TNK2: variants seen among roughly 807,000 people sequenced by gnomAD.
TNK2 encodes the protein activated CDC42 kinase 1.
TNK2 carries 83 observed loss-of-function variants against 101.8 expected under a neutral mutation model. That is an observed-to-expected ratio of 0.82 (90% CI 0.68 to 0.98). The LOEUF (loss-of-function observed/expected upper bound fraction) is 0.98. Ranked by LOEUF, TNK2 falls within the 50% of genes least tolerant of loss-of-function variation. The pLI, the probability that TNK2 is intolerant of heterozygous loss-of-function variation, is 0.00. For synonymous variants in TNK2, 804 were observed against 633.0 expected (o/e 1.27, Z -4.06); for missense variants, 1,665 against 1,483.2 (o/e 1.12, Z -2.01).
rs1054936435 is a variant in TNK2, at chr3:195,895,648, G to A, written c.-18-7042C>T. 22 of 1,266,008 alleles carry A rather than the reference G, an allele frequency of 1.7e-5. No homozygotes were observed. In the South Asian group the frequency reaches 4.9e-4, roughly 28 times the overall value. 78.4% of individuals were successfully genotyped at this position (1,266,008 alleles called of 1,614,324 possible). ...CGAGAGCCGGGGCTCTGCCTTCGCC[G>A]GCCGCGGAACCGGGCTCCACTCAGC... On this transcript the variant is annotated intron_variant, in intron 1 of 15. Transcript: ENST00000672887.
At chr3:195,891,151 G>C (rs569919594) in intron 1 of TNK2, among the ~76,000 whole-genome samples, 2 of 152,214 alleles carry the variant, frequency 1.3e-5, no homozygotes, top group African/African-American at 2.4e-5. Context: ...AAGCACAGTG[G>C]CTCACAGCTG....
In TNK2 at chr3:195,868,677, C is replaced by A; in HGVS notation, c.1621G>T (p.Asp541Tyr). Residue 541 changes from aspartate (D) to tyrosine (Y), a missense_variant, in exon 13 of 16, where the codon GAC becomes TAC. Physicochemically the swap from Asp to Tyr is radical, Grantham distance 160. Transcript: ENST00000672887. ...PTYDPVSEDQDPLSSDFKRLG... is the reference protein window; with the variant it reads ...PTYDPVSEDQYPLSSDFKRLG... ...CTCTTGAAGTCGCTGGACAAGGGGTCTTGGTCCTCGCTCACAGGGTCATAG... is the reference window on the plus strand; with the variant it reads ...CTCTTGAAGTCGCTGGACAAGGGGTATTGGTCCTCGCTCACAGGGTCATAG... 1 of 1,592,356 alleles carries A rather than the reference C, an allele frequency of 6.3e-7. No individual in the cohort carries two copies. Among genetic ancestry groups the A allele is most frequent in the Non-Finnish European group, 8.5e-7 (1 of 1,177,336 alleles).
chr3:195,864,916 C>T (rs1259760827), intron 15 of TNK2, among the ~76,000 whole-genome samples: 3 of 129,788 alleles, frequency 2.3e-5, no homozygotes, highest in East Asian at 2.3e-4. Context: ...AAGAACCACC[C>T]GAGACAGCGA....
chr3:195,892,510 C>G (rs140843768), intron 1 of TNK2: 44 of 1,534,386 alleles, frequency 2.9e-5, no homozygotes, highest in Non-Finnish European at 3.5e-5. Context: ...GGGACCCCCC[C>G]GAGCAGTCAC....
Position 195,868,416 on chromosome 3 carries a change from G to T in TNK2, c.1882C>A (p.Pro628Thr). 7.0e-6 allele frequency: 11 copies of T among 1,576,680 alleles called. No homozygotes were observed. Among genetic ancestry groups the T allele is most frequent in the Non-Finnish European group, 8.6e-6 (10 of 1,168,512 alleles). The change falls in exon 13 of 16, where the codon CCC becomes ACC. Residue 628 changes from proline to threonine, a missense_variant. By Grantham distance (38) the Pro-to-Thr change is conservative (BLOSUM62 -1). This residue lies in a region of TNK2 where 1,136 missense variants were observed against 894.9 expected (regional missense o/e 1.27). Transcript: ENST00000672887. The part of the protein sequence containing the change: ...TPPQSPTRAL[P>T]RPLHPTPVVD... ...ACAGGCGTGGGGTGCAGGGGCCGGGGCAGTGCCCGCGTGGGGCTCTGAGGC... is the reference window on the plus strand; with the variant it reads ...ACAGGCGTGGGGTGCAGGGGCCGGGTCAGTGCCCGCGTGGGGCTCTGAGGC...
At chr3:195,889,092 TCTAAG>T (rs769724265) in intron 1 of TNK2, among the ~76,000 whole-genome samples, 1 of 151,682 alleles carries the variant, frequency 6.6e-6, no homozygotes. Context: ...TCAGATGAGC[TCTAAG>T]CTAAGTTCCT....
chr3:195,904,565 C>T (rs556688669), intron 1 of TNK2, among the ~76,000 whole-genome samples: 7 of 152,144 alleles, frequency 4.6e-5, no homozygotes, highest in South Asian at 4.1e-4. Flanking sequence ...TTAATAGGTG[C>T]GGTTTCAGTT....
intron 9 of TNK2, among the ~76,000 whole-genome samples, chr3:195,877,020 G>A (rs1018695369): frequency 1.3e-5 from 2 of 152,172 alleles, no homozygotes; most frequent in Non-Finnish European, 2.9e-5. Context: ...AGGTGGACAC[G>A]GTCATGAGGC....
chr3:195,866,122 G>A (rs1432143646), intron 15 of TNK2, among the ~76,000 whole-genome samples: 1 of 151,990 alleles, frequency 6.6e-6, no homozygotes, highest in Non-Finnish European at 1.5e-5. Flanking sequence ...GTTTATATAT[G>A]TATATATTTT....
At chr3:195,869,563 CA>C (rs1560481969) in intron 11 of TNK2, 22 bp from the exon 12 acceptor site, 3 of 1,551,022 alleles carry the variant, frequency 1.9e-6, no homozygotes, top group Non-Finnish European at 2.6e-6. Context: ...GCCATGCGGA[CA>C]GGGGGAGAGA....
rs1256907498 is a variant in TNK2 at position 195,867,775 on chromosome 3, C to T, written c.2523G>A (p.Lys841=). The part of the protein sequence containing the change: ...PTTQSFASDP[K]YATPQVIQAP... The stretch of plus-strand genomic sequence containing the variant: ...CCTGGATCACCTGGGGGGTGGCGTA[C>T]TTGGGGTCTGAGGCAAAGCTCTGGG... Residue 841 remains lysine, a synonymous_variant, in exon 13 of 16, where the codon AAG becomes AAA. Transcript: ENST00000672887. The T allele has an allele frequency of 7.0e-6, 11 of 1,582,590 alleles. No individual in the cohort carries two copies. The highest frequency in any genetic ancestry group is 9.4e-6 in the Non-Finnish European group (11 of 1,166,430).
At chr3:195,869,664 A>G in intron 11 of TNK2, 123 bp from the exon 12 acceptor site, 1 of 1,008,598 alleles carries the variant, frequency 9.9e-7, no homozygotes. Flanking sequence ...AATGGGGGCG[A>G]GTGAATGTAC....
Position 195,883,233 on chromosome 3 carries a change from A to T in TNK2, c.533T>A (p.Val178Asp). 3.1e-6 allele frequency: 5 copies of T among 1,611,362 alleles called. No homozygotes were observed. Among genetic ancestry groups the T allele is most frequent in the Non-Finnish European group, 4.2e-6 (5 of 1,179,524 alleles). The change falls in exon 5 of 16, where the codon GTC becomes GAC. Residue 178 changes from valine (V) to aspartate (D), a missense_variant. Physicochemically the swap from Val to Asp is radical, Grantham distance 152 (BLOSUM62 -3). Coordinates refer to ENST00000672887, the MANE Select transcript of TNK2 (RefSeq NM_001382273.1). ...PEAMDDFIRE[V>D]NAMHSLDHRN... ...GTGGTCGAGCGAGTGCATGGCATTG[A>T]CCTCCCGGATGAAGTCGTCCATGGC...
chr3:195,901,358 C>A (rs529277922), intron 1 of TNK2, among the ~76,000 whole-genome samples: 109 of 152,216 alleles, frequency 7.2e-4, no homozygotes, highest in Non-Finnish European at 1.3e-3. Flanking sequence ...CTGCCAAGGT[C>A]AGGGTACCAG....
chr3:195,906,045 G>A (rs1458295420), intron 1 of TNK2, among the ~76,000 whole-genome samples: 2 of 152,214 alleles, frequency 1.3e-5, no homozygotes, highest in African/African-American at 2.4e-5. Flanking sequence ...AAAGACATAC[G>A]TATGGCAAAT....
Position 195,878,218 on chromosome 3 carries a change from G to A in TNK2, c.1256+35C>T, listed in dbSNP as rs370148404. 3.0e-5 allele frequency: 49 copies of A among 1,608,590 alleles called. No individual in the cohort carries two copies. Among genetic ancestry groups the A allele is most frequent in the Non-Finnish European group, 3.4e-5 (40 of 1,175,290 alleles). The stretch of plus-strand genomic sequence containing the variant: ...TCCCTCCGACCTGTGCCCTTCAAGC[G>A]ATCCCAGGGCGGGGCCCAGCCCTGC... On this transcript the variant is annotated intron_variant, in intron 9 of 15. Transcript: ENST00000672887. The surrounding 1 kb of genome is among the most constrained non-coding windows in gnomAD (Gnocchi z 4.7).
Position 195,887,072 on chromosome 3 carries a change from T to G in TNK2, c.164-25A>C, listed in dbSNP as rs1389593549. ...CCTGCAGGGAGAGCGGGGAACCGCG[T>G]GCTGTGAAGGCCGCCGTAGCCCGAG... is the stretch of plus-strand genomic sequence containing the variant. On this transcript the variant is annotated intron_variant, in intron 2 of 15. Transcript: ENST00000672887. 3 of 1,592,418 alleles carry G rather than the reference T, an allele frequency of 1.9e-6. No homozygotes were observed. The Admixed American group carries it at 5.1e-5, about 27-fold the overall frequency.
intron 1 of TNK2, chr3:195,892,463 C>A (rs1560536818): frequency 7.2e-6 from 11 of 1,535,604 alleles, no homozygotes; most frequent in Non-Finnish European, 7.0e-6. Context: ...GAGCTCCAGG[C>A]CAGGGAACCG....
In TNK2 at chr3:195,870,202, C is replaced by T. The variant is rs779541518; in HGVS notation, c.1455G>A (p.Leu485=). Reference sequence around the variant, plus strand: ...GGGGGTCCATGGGGTTTCCCAGATACAGTCTGTGGGGGAGAGAGCTGGGTC... The same window carrying T: ...GGGGGTCCATGGGGTTTCCCAGATATAGTCTGTGGGGGAGAGAGCTGGGTC... ...CWGFPDRIDE[L]YLGNPMDPPD... Residue 485 remains leucine, a synonymous_variant, in exon 11 of 16, where the codon CTG becomes CTA. Transcript: ENST00000672887. The T allele has an allele frequency of 2.5e-6, 4 of 1,584,850 alleles. No homozygotes were observed. The highest frequency in any genetic ancestry group is 3.4e-6 in the Non-Finnish European group (4 of 1,163,722).
Sources: allele counts gnomAD v4.1 joint callset (sites outside exome capture counted in the v4.1 genomes callset), GRCh38; gene constraint gnomAD v4.1.1; regional missense constraint gnomAD v4.1.1; non-coding constraint Gnocchi (gnomAD v3.1); transcripts MANE v1.5; gene names NCBI Gene and HGNC (gene_info 2026-07-23, HGNC 2026-07-21).